The following PTPN3 variants were observed in gnomAD, a reference collection of about 807,000 sequenced individuals.
The protein encoded by PTPN3 is tyrosine-protein phosphatase non-receptor type 3.
In PTPN3, 96 loss-of-function variants were observed where a neutral mutation model predicts 132.7. The ratio of observed to expected loss-of-function variants is 0.72; its 90% confidence interval spans 0.61 to 0.86. The LOEUF (loss-of-function observed/expected upper bound fraction) is 0.86. PTPN3 is among the 40% of genes least tolerant of loss of function. PTPN3 has a pLI of 0.00. For missense variants in PTPN3, 1,125 were observed against 1,159.6 expected (o/e 0.97, Z 0.43); for synonymous variants, 398 against 429.0 (o/e 0.93, Z 0.89).
At chr9:109,428,807 G>T (rs1413293318) in intron 10 of PTPN3, 123 bp from the exon 11 acceptor site, 10 of 1,449,420 alleles carry the variant, frequency 6.9e-6, no homozygotes, top group Non-Finnish European at 9.0e-6. Context: ...TGGCTGCCTA[G>T]AGTTTACTTC....
the PTPN3 span, among the ~76,000 whole-genome samples, chr9:109,522,095 G>A: frequency 6.6e-6 from 1 of 152,168 alleles, no homozygotes; most frequent in Admixed American, 6.5e-5. Context: ...AGGTGTCTTA[G>A]GTTCTTGTGA....
intron 2 of PTPN3, among the ~76,000 whole-genome samples, chr9:109,462,708 G>C (rs1025415140): frequency 6.6e-6 from 1 of 151,914 alleles, no homozygotes; most frequent in Non-Finnish European, 1.5e-5. Flanking sequence ...GCTCTGCCAC[G>C]GGCTTTAAGT....
chr9:109,515,420 G>T, the PTPN3 span, among the ~76,000 whole-genome samples: 3 of 152,112 alleles, frequency 2.0e-5, no homozygotes, highest in Non-Finnish European at 2.9e-5. Context: ...GAGCGCAGGG[G>T]GGGTCTTATA....
the PTPN3 span, among the ~76,000 whole-genome samples, chr9:109,519,291 C>G: frequency 6.6e-6 from 1 of 152,194 alleles, no homozygotes; most frequent in African/African-American, 2.4e-5. Context: ...ACCAATACTT[C>G]ATTATAAAAC....
upstream of PTPN3, among the ~76,000 whole-genome samples, chr9:109,499,805 G>A (rs1021585482): frequency 9.2e-5 from 14 of 152,222 alleles, no homozygotes; most frequent in Non-Finnish European, 1.6e-4. Context: ...CGCGTCGGGG[G>A]GATTTCCGAC....
At chr9:109,450,267 T>G (rs1012711361) in intron 5 of PTPN3, 1 of 985,276 alleles carries the variant, frequency 1.0e-6, no homozygotes, top group Non-Finnish European at 1.2e-6. Flanking sequence ...AATCTCCATC[T>G]TTTCCACCTA....
intron 6 of PTPN3, among the ~76,000 whole-genome samples, chr9:109,447,276 T>C (rs919703914): frequency 2.6e-5 from 4 of 152,116 alleles, no homozygotes; most frequent in Non-Finnish European, 5.9e-5. Context: ...GTTCGGTGCC[T>C]GTCTCATAAA....
chr9:109,386,828 C>T (rs1026552137), intron 22 of PTPN3, among the ~76,000 whole-genome samples: 7 of 152,154 alleles, frequency 4.6e-5, no homozygotes, highest in Admixed American at 3.3e-4. Flanking sequence ...GGAAAGGTAT[C>T]GCTGAAAGCT....
intron 21 of PTPN3, 29 bp from the exon 22 acceptor site, chr9:109,389,408 T>A (rs1406768754): frequency 6.2e-7 from 1 of 1,603,804 alleles, no homozygotes; most frequent in Admixed American, 1.7e-5. Context: ...AGTATTAGAA[T>A]CTGTTGCTGC....
At chr9:109,379,776 C>A in intron 25 of PTPN3, 143 bp from the exon 26 acceptor site, 1 of 704,228 alleles carries the variant, frequency 1.4e-6, no homozygotes, top group Non-Finnish European at 2.5e-6. Context: ...ACCTGTGAAG[C>A]CCTAGTTCCT....
intron 5 of PTPN3, among the ~76,000 whole-genome samples, chr9:109,452,527 C>A (rs971719676): frequency 6.6e-6 from 1 of 151,654 alleles, no homozygotes; most frequent in Non-Finnish European, 1.5e-5. Context: ...CATGTAAACA[C>A]ACACATATTA....
At chr9:109,518,414 A>G in the PTPN3 span, among the ~76,000 whole-genome samples, 1 of 152,150 alleles carries the variant, frequency 6.6e-6, no homozygotes, top group Non-Finnish European at 1.5e-5. Context: ...TGAGATTGTC[A>G]TGCCTAGTCC....
At chr9:109,503,296 G>A (rs1260627312), upstream of PTPN3, among the ~76,000 whole-genome samples, 1 of 152,162 alleles carries the variant, frequency 6.6e-6, no homozygotes, top group African/African-American at 2.4e-5. Context: ...CTAGAGAAGC[G>A]TTAGTCAAAT....
chr9:109,468,469 C>G (rs1251650403), intron 1 of PTPN3, among the ~76,000 whole-genome samples: 1 of 152,100 alleles, frequency 6.6e-6, no homozygotes, highest in Admixed American at 6.5e-5. Flanking sequence ...CGGGTTCACG[C>G]CATTCTCCTG....
At chr9:109,450,912 T>G (rs1845198923) in intron 5 of PTPN3, 13 of 985,398 alleles carry the variant, frequency 1.3e-5, no homozygotes, top group Non-Finnish European at 1.6e-5. Flanking sequence ...ATACATCTTC[T>G]TTGACTCTTG....
chr9:109,404,537 T>TGGGGAAAATGGCTTC lies in PTPN3; in HGVS notation c.1849_1863dup (p.Glu617_Pro621dup). ...AAAGTGTCCCCACCCTCCGGACACATGGGGAAAATGGCTTCGGGGAAAAGC... is the reference window on the plus strand; with the variant it reads ...AAAGTGTCCCCACCCTCCGGACACATGGGGAAAATGGCTTCGGGGAAAATGGCTTCGGGGAAAAGC... On this transcript the variant is annotated inframe_insertion, in exon 19 of 26. Coordinates refer to ENST00000374541, the MANE Select transcript of PTPN3 (RefSeq NM_002829.4). The TGGGGAAAATGGCTTC allele has an allele frequency of 6.4e-7, 1 of 1,569,514 alleles. No individual in the cohort carries two copies. Among genetic ancestry groups the TGGGGAAAATGGCTTC allele is most frequent in the Non-Finnish European group, 8.7e-7 (1 of 1,151,364 alleles).
At chr9:109,531,160 C>G in the PTPN3 span, among the ~76,000 whole-genome samples, 1 of 152,172 alleles carries the variant, frequency 6.6e-6, no homozygotes, top group African/African-American at 2.4e-5. Context: ...TGTCATGAAG[C>G]TTTTCTCCAA....
At chr9:109,440,325 C>A (rs766161308) in intron 7 of PTPN3, among the ~76,000 whole-genome samples, 1 of 152,222 alleles carries the variant, frequency 6.6e-6, no homozygotes, top group Admixed American at 6.5e-5. Flanking sequence ...CAGGGTTAAG[C>A]GCACATGGTG....
At chr9:109,442,432 C>T (rs947080415) in intron 7 of PTPN3, among the ~76,000 whole-genome samples, 1 of 152,164 alleles carries the variant, frequency 6.6e-6, no homozygotes, top group Non-Finnish European at 1.5e-5. Context: ...CTTAAAACTG[C>T]TTGCCTGATA....
Sources: allele counts gnomAD v4.1 joint callset (sites outside exome capture counted in the v4.1 genomes callset), GRCh38; gene constraint gnomAD v4.1.1; transcripts MANE v1.5; gene names NCBI Gene and HGNC (gene_info 2026-07-23, HGNC 2026-07-21).